The following TAF4B variants were observed in gnomAD, a reference collection of about 807,000 sequenced individuals.
TAF4B encodes the protein transcription initiation factor TFIID subunit 4B.
TAF4B carries 38 observed loss-of-function variants against 86.4 expected under a neutral mutation model. The observed-to-expected ratio is 0.44, with a 90% CI of 0.34 to 0.58. The LOEUF (loss-of-function observed/expected upper bound fraction) is 0.58. Among genes scored for constraint, TAF4B ranks in the 20% least tolerant of loss-of-function variants. TAF4B has a pLI of 0.02. For missense variants in TAF4B, 988 were observed against 1,027.6 expected, an observed-to-expected ratio of 0.96 and a Z score of 0.53; for synonymous variants, 388 against 391.2, an observed-to-expected ratio of 0.99 and a Z score of 0.10.
chr18:26,363,952 T>TA (rs977492711), intron 14 of TAF4B, among the ~76,000 whole-genome samples: 10 of 152,166 alleles, frequency 6.6e-5, no homozygotes, highest in Non-Finnish European at 1.5e-5. Flanking sequence ...TGGTAGTTTT[T>TA]AAAAAAATGT....
At chr18:26,285,745 G>A in intron 6 of TAF4B, 137 bp from the exon 7 acceptor site, 1 of 1,041,872 alleles carries the variant, frequency 9.6e-7, no homozygotes, top group East Asian at 2.4e-5. Flanking sequence ...ATAAGTAAGT[G>A]ATACAAGCTG....
rs192360128 is a variant in TAF4B at position 26,297,090 on chromosome 18, C to T, written c.1832+3559C>T. Among the ~76,000 whole-genome samples the T allele has an allele frequency of 5.5e-3, 833 of 150,556 alleles. 12 individuals are homozygous for T. Among genetic ancestry groups the T allele is most frequent in the African/African-American group, 0.019 (773 of 40,818 alleles). ...GGGAGGTTGCAGTGAGCTGAGATTG[C>T]GCCACTGCACTCCAGCCTGGGTGAC... On this transcript the variant is annotated intron_variant, in intron 9 of 14. Coordinates refer to ENST00000269142, the MANE Select transcript of TAF4B (RefSeq NM_005640.3).
chr18:26,350,914 C>T (rs57341356), intron 13 of TAF4B, among the ~76,000 whole-genome samples: 1 of 152,112 alleles, frequency 6.6e-6, no homozygotes, highest in African/African-American at 2.4e-5. Context: ...AATTCTTAAA[C>T]ACTGTCAGTG....
chr18:26,385,225 A>C (rs892097181), intron 14 of TAF4B, among the ~76,000 whole-genome samples: 1 of 152,244 alleles, frequency 6.6e-6, no homozygotes, highest in African/African-American at 2.4e-5. Flanking sequence ...GTTGAGGGAT[A>C]AAAATTGGAT....
chr18:26,260,366 TC>T (rs1362652297), intron 1 of TAF4B, among the ~76,000 whole-genome samples: 1 of 152,234 alleles, frequency 6.6e-6, no homozygotes, highest in African/African-American at 2.4e-5. Context: ...CATGCCTATG[TC>T]CTGAATGGTA....
At chr18:26,238,088 C>T (rs1406645642) in intron 1 of TAF4B, among the ~76,000 whole-genome samples, 2 of 152,142 alleles carry the variant, frequency 1.3e-5, no homozygotes, top group Non-Finnish European at 2.9e-5. Flanking sequence ...ATTTAGTGGC[C>T]CTTACTGACG....
chr18:26,282,688 G>C (rs2056465034), intron 6 of TAF4B, among the ~76,000 whole-genome samples: 1 of 152,168 alleles, frequency 6.6e-6, no homozygotes, highest in Non-Finnish European at 1.5e-5. Flanking sequence ...GTCATCAGTT[G>C]ATTCTTCCCT....
chr18:26,289,690 T>C (rs1478458703), intron 7 of TAF4B, among the ~76,000 whole-genome samples: 2 of 152,234 alleles, frequency 1.3e-5, no homozygotes, highest in Admixed American at 1.3e-4. Flanking sequence ...GGTTTCGCTG[T>C]GTTGCCCAGG....
At chr18:26,281,950 T>C in intron 5 of TAF4B, 21 bp from the exon 6 acceptor site, 1 of 1,568,120 alleles carries the variant, frequency 6.4e-7, no homozygotes, top group Non-Finnish European at 8.8e-7. Context: ...TAAAATTGTT[T>C]CTATTTCTCC....
At position 26,274,931 on chromosome 18, in the gene TAF4B, A is replaced by G. The variant is rs1598747522; in HGVS notation, c.760A>G (p.Thr254Ala). The change falls in exon 5 of 15, where the codon ACA (threonine) becomes GCA (alanine). Residue 254 changes from threonine to alanine, a missense_variant and splice_region_variant. By Grantham distance (58) the Thr-to-Ala change is moderately conservative. This residue lies in a region of TAF4B where 747 missense variants were observed against 737.9 expected (regional missense o/e 1.01). Transcript: ENST00000269142. ...CTTATATTTACATTTTCATATTTAG[A>G]CAATGCTAGAAAATGTGAAGAAATG... ...SAAVQINLSP[T>A]MLENVKKCKN... 6.2e-7 allele frequency: 1 copy of G among 1,613,006 alleles called. No individual in the cohort carries two copies. The highest frequency in any genetic ancestry group is 8.5e-7 in the Non-Finnish European group (1 of 1,179,746).
intron 3 of TAF4B, among the ~76,000 whole-genome samples, chr18:26,268,879 G>A (rs1345829927): frequency 6.6e-6 from 1 of 152,056 alleles, no homozygotes; most frequent in African/African-American, 2.4e-5. Flanking sequence ...CTGGAGCACT[G>A]TGGTGCAATC....
At chr18:26,309,288 A>G (rs1467226154) in intron 9 of TAF4B, among the ~76,000 whole-genome samples, 3 of 110,652 alleles carry the variant, frequency 2.7e-5, no homozygotes, top group Admixed American at 1.3e-4. Context: ...TTTGCCAATG[A>G]TAAAGTTGGA....
At chr18:26,276,573 C>G (rs1486411034) in intron 5 of TAF4B, among the ~76,000 whole-genome samples, 1 of 152,136 alleles carries the variant, frequency 6.6e-6, no homozygotes, top group South Asian at 2.1e-4. Flanking sequence ...TTCTTTACTA[C>G]TGTTTTTAAT....
chr18:26,353,231 T>G (rs1007983941), intron 13 of TAF4B, among the ~76,000 whole-genome samples: 18 of 152,186 alleles, frequency 1.2e-4, no homozygotes, highest in African/African-American at 3.9e-4. Context: ...TGTATTGATC[T>G]TGACATATGA....
intron 13 of TAF4B, among the ~76,000 whole-genome samples, chr18:26,340,757 A>AG (rs748803430): frequency 6.6e-6 from 1 of 152,084 alleles, no homozygotes; most frequent in Non-Finnish European, 1.5e-5. Context: ...ATGAGAAAGA[A>AG]GGGGGGCTTT....
chr18:26,379,524 A>G (rs2057464050), intron 14 of TAF4B, among the ~76,000 whole-genome samples: 2 of 152,088 alleles, frequency 1.3e-5, no homozygotes, highest in African/African-American at 4.8e-5. Flanking sequence ...GGACATATCT[A>G]TACACATACT....
chr18:26,314,200 A>G (rs1426670881), intron 9 of TAF4B, among the ~76,000 whole-genome samples: 1 of 152,192 alleles, frequency 6.6e-6, no homozygotes, highest in African/African-American at 2.4e-5. Flanking sequence ...TGCAATAAAG[A>G]GAAACAACAT....
At chr18:26,381,733 A>AT (rs892925205) in intron 14 of TAF4B, among the ~76,000 whole-genome samples, 24 of 103,044 alleles carry the variant, frequency 2.3e-4, no homozygotes, top group Non-Finnish European at 2.2e-4. Flanking sequence ...CTCTAAATAA[A>AT]TAAATAAATA....
At chr18:26,347,222 GC>G (rs564113852) in intron 13 of TAF4B, among the ~76,000 whole-genome samples, 32 of 151,844 alleles carry the variant, frequency 2.1e-4, no homozygotes, top group African/African-American at 6.0e-4. Flanking sequence ...GCCCGGCCCA[GC>G]CAAGAATATT....
Sources: allele counts gnomAD v4.1 joint callset (sites outside exome capture counted in the v4.1 genomes callset), GRCh38; gene constraint gnomAD v4.1.1; regional missense constraint gnomAD v4.1.1; transcripts MANE v1.5; gene names NCBI Gene and HGNC (gene_info 2026-07-23, HGNC 2026-07-21).